LTBP1: variants seen among roughly 807,000 people sequenced by gnomAD.
LTBP1 encodes latent-transforming growth factor beta-binding protein 1.
In LTBP1, 129 loss-of-function variants were observed where a neutral mutation model predicts 207.6. The observed-to-expected ratio is 0.62, with a 90% CI of 0.54 to 0.72. The LOEUF is 0.72. LTBP1 is among the 30% of genes least tolerant of loss of function. The pLI, the probability that LTBP1 is intolerant of heterozygous loss-of-function variation, is 0.00. For missense variants in LTBP1, 2,281 were observed against 2,217.2 expected, an observed-to-expected ratio of 1.03 and a Z score of -0.58; for synonymous variants, 963 against 833.7, an observed-to-expected ratio of 1.16 and a Z score of -2.67.
chr2:33,320,653 A>T (rs2094341093), intron 24 of LTBP1, among the ~76,000 whole-genome samples: 1 of 152,232 alleles, frequency 6.6e-6, no homozygotes, highest in African/African-American at 2.4e-5. Flanking sequence ...ATGGCAGCCG[A>T]GGACTTTCTT....
At chr2:33,031,314 C>T (rs1429890151) in intron 3 of LTBP1, among the ~76,000 whole-genome samples, 1 of 152,172 alleles carries the variant, frequency 6.6e-6, no homozygotes, top group Non-Finnish European at 1.5e-5. Flanking sequence ...GCATTTCTAA[C>T]TGGTTGCGTT....
intron 3 of LTBP1, among the ~76,000 whole-genome samples, chr2:33,075,795 T>C (rs1345916293): frequency 6.6e-6 from 1 of 152,236 alleles, no homozygotes; most frequent in Admixed American, 6.5e-5. Flanking sequence ...GATGCTATTC[T>C]GATAAAAGTC....
chr2:33,316,341 C>G (rs186548560), intron 24 of LTBP1, among the ~76,000 whole-genome samples: 2 of 152,284 alleles, frequency 1.3e-5, no homozygotes, highest in African/African-American at 4.8e-5. Flanking sequence ...TGCCCAGATT[C>G]TTTGCTCTAA....
chr2:33,257,109 T>C (rs2092884266), intron 11 of LTBP1, among the ~76,000 whole-genome samples, 175 bp from the exon 12 acceptor site: 1 of 152,130 alleles, frequency 6.6e-6, no homozygotes, highest in Admixed American at 6.5e-5. Flanking sequence ...TCTTTAAATA[T>C]GCAAGTTTAT....
chr2:33,195,686 C>T (rs1012553761), intron 7 of LTBP1, among the ~76,000 whole-genome samples: 4 of 152,140 alleles, frequency 2.6e-5, no homozygotes, highest in African/African-American at 9.7e-5. Context: ...TTAGAATACG[C>T]TATAAATTTA....
At chr2:33,349,445 A>G (rs934911268) in intron 26 of LTBP1, among the ~76,000 whole-genome samples, 1 of 81,046 alleles carries the variant, frequency 1.2e-5, no homozygotes, top group Middle Eastern at 6.5e-3. Context: ...GTCTCAAAAG[A>G]AAAAAAAAAA....
chr2:33,086,811 C>T (rs572639988), intron 3 of LTBP1, among the ~76,000 whole-genome samples: 5 of 151,924 alleles, frequency 3.3e-5, no homozygotes, highest in Non-Finnish European at 5.9e-5. Context: ...TTCCTTGTCT[C>T]GTTGGGCCAC....
At chr2:33,089,981 C>T (rs1052011388) in intron 3 of LTBP1, among the ~76,000 whole-genome samples, 1 of 152,222 alleles carries the variant, frequency 6.6e-6, no homozygotes, top group Non-Finnish European at 1.5e-5. Flanking sequence ...GATTAAAATA[C>T]ATTTGATGAG....
At chr2:33,222,271 C>T (rs535300083) in intron 9 of LTBP1, 120 bp downstream of exon 9, 5 of 717,818 alleles carry the variant, frequency 7.0e-6, no homozygotes, top group Non-Finnish European at 1.3e-5. Flanking sequence ...ACCTCATGTT[C>T]ACTCCTTTTG....
At chr2:33,346,370 T>G (rs540364461) in intron 25 of LTBP1, among the ~76,000 whole-genome samples, 1 of 152,326 alleles carries the variant, frequency 6.6e-6, no homozygotes, top group South Asian at 2.1e-4. Context: ...TGTCAGTGAT[T>G]CTAACTTTGC....
intron 3 of LTBP1, among the ~76,000 whole-genome samples, chr2:33,066,028 T>A (rs1285155232): frequency 6.6e-6 from 1 of 152,222 alleles, no homozygotes; most frequent in Non-Finnish European, 1.5e-5. Context: ...GCCAGTTTTC[T>A]ATTAGATCAT....
At chr2:33,031,286 A>G (rs2075680149) in intron 3 of LTBP1, among the ~76,000 whole-genome samples, 1 of 152,122 alleles carries the variant, frequency 6.6e-6, no homozygotes. Flanking sequence ...ACCATCTATA[A>G]CTTTCCAAGT....
intron 3 of LTBP1, among the ~76,000 whole-genome samples, chr2:33,047,198 G>T (rs567141597): frequency 6.6e-6 from 1 of 152,150 alleles, no homozygotes; most frequent in East Asian, 1.9e-4. Flanking sequence ...TCTTTTAATT[G>T]TGATGTTAGG....
chr2:33,085,720 G>A (rs918696093), intron 3 of LTBP1, among the ~76,000 whole-genome samples: 1 of 152,160 alleles, frequency 6.6e-6, no homozygotes, highest in Admixed American at 6.5e-5. Context: ...AGGCAGGGGG[G>A]CCAGGATTCA....
At chr2:33,096,794 C>G (rs550078866) in intron 3 of LTBP1, among the ~76,000 whole-genome samples, 1 of 152,196 alleles carries the variant, frequency 6.6e-6, no homozygotes, top group African/African-American at 2.4e-5. Context: ...GATTTTAGTT[C>G]TAGCTACTCA....
At chr2:33,088,149 T>A (rs2078864033) in intron 3 of LTBP1, among the ~76,000 whole-genome samples, 1 of 152,104 alleles carries the variant, frequency 6.6e-6, no homozygotes, top group Non-Finnish European at 1.5e-5. Flanking sequence ...GCCAAAGAAG[T>A]CTCTTGTTAA....
intron 2 of LTBP1, among the ~76,000 whole-genome samples, chr2:32,997,762 A>G (rs1407774622): frequency 6.6e-6 from 1 of 152,186 alleles, no homozygotes; most frequent in Non-Finnish European, 1.5e-5. Context: ...GCTTTGCTCT[A>G]GTTTTACTTG....
chr2:33,215,761 G>A (rs1167567184), intron 7 of LTBP1, among the ~76,000 whole-genome samples: 5 of 144,404 alleles, frequency 3.5e-5, no homozygotes, highest in Admixed American at 7.2e-5. Context: ...TCTGTCGCCA[G>A]GCTGGAGTGC....
At chr2:33,001,284 C>T (rs1686032827) in intron 2 of LTBP1, among the ~76,000 whole-genome samples, 1 of 135,092 alleles carries the variant, frequency 7.4e-6, no homozygotes, top group African/African-American at 2.6e-5. Context: ...ATGGCTGTGG[C>T]TTTCAAATAT....
Sources: gnomAD v4.1 joint callset for allele counts (sites outside exome capture counted in the v4.1 genomes callset) on GRCh38, gnomAD v4.1.1 for gene constraint, MANE v1.5 for transcripts, NCBI Gene and HGNC (gene_info 2026-07-23, HGNC 2026-07-21) for gene names.